Variants in FRMD8 observed in about 807,000 individuals in gnomAD.
FRMD8 encodes the protein FERM domain containing 8, also known as FERM domain-containing protein 8.
A neutral mutation model predicts 54.2 loss-of-function variants in FRMD8; 37 were observed. That is an observed-to-expected ratio of 0.68 (90% CI 0.53 to 0.90). FRMD8 has a LOEUF of 0.90. Among genes scored for constraint, FRMD8 ranks in the 40% least tolerant of loss-of-function variants. FRMD8 has a pLI of 0.00. For synonymous variants in FRMD8, 246 were observed against 286.9 expected (o/e 0.86, Z 1.44); for missense variants, 585 against 653.7 (o/e 0.89, Z 1.15).
chr11:65,380,891 G>C, the FRMD8 span: 1 of 274,864 alleles, frequency 3.6e-6, no homozygotes, highest in South Asian at 3.1e-5. Flanking sequence ...GCCCAGAGGG[G>C]ACTCAGGACA....
At chr11:65,391,550 G>A (rs367785904) in intron 3 of FRMD8, among the ~76,000 whole-genome samples, 4 of 151,762 alleles carry the variant, frequency 2.6e-5, no homozygotes, top group African/African-American at 9.7e-5. Context: ...TCACTCTGTT[G>A]CCCAGGTTGG....
the FRMD8 span, among the ~76,000 whole-genome samples, chr11:65,372,707 C>T: frequency 6.6e-6 from 1 of 152,174 alleles, no homozygotes; most frequent in African/African-American, 2.4e-5. Flanking sequence ...AATGGGAATT[C>T]CCGCTAACTG....
intron 2 of FRMD8, 185 bp downstream of exon 2, chr11:65,387,306 G>A: frequency 1.4e-6 from 1 of 695,924 alleles, no homozygotes; most frequent in Admixed American, 2.1e-5. Context: ...TGGCCAGGTT[G>A]GGTCCTCGCT....
intron 9 of FRMD8, among the ~76,000 whole-genome samples, chr11:65,403,361 T>C (rs1436811439): frequency 1.3e-5 from 2 of 152,094 alleles, no homozygotes; most frequent in Non-Finnish European, 2.9e-5. Flanking sequence ...TTTTGTATTT[T>C]TAGTAGAGAT....
At chr11:65,398,352 C>G (rs184526651) in intron 7 of FRMD8, among the ~76,000 whole-genome samples, 1 of 152,218 alleles carries the variant, frequency 6.6e-6, no homozygotes, top group African/African-American at 2.4e-5. Context: ...GCCCCACTGG[C>G]GACTTCGAGT....
the FRMD8 span, among the ~76,000 whole-genome samples, chr11:65,372,828 G>A: frequency 6.6e-6 from 1 of 152,202 alleles, no homozygotes; most frequent in African/African-American, 2.4e-5. Context: ...CGTCCTGTTT[G>A]CTTCCTTCCA....
chr11:65,386,925 A>G lies in FRMD8; in HGVS notation c.1-112A>G. On this transcript the variant is annotated intron_variant, in intron 1 of 10. Transcript: ENST00000317568. Reference sequence around the variant, plus strand: ...TTGGCCCCTCCAGGCAGCGCCGCTCAACCTTGCGGACCCAGCCTGGGATCC... The same window carrying G: ...TTGGCCCCTCCAGGCAGCGCCGCTCGACCTTGCGGACCCAGCCTGGGATCC... 5.3e-6 allele frequency: 5 copies of G among 938,340 alleles called. No individual in the cohort carries two copies. In the South Asian group the frequency reaches 6.2e-5, roughly 12 times the overall value. The allele number at this position is 938,340 out of a possible 1,614,324, so 58.1% of individuals were successfully genotyped here. A position where few individuals can be genotyped will look rare whatever the true frequency, so the allele number is the denominator to read the frequency against.
chr11:65,391,596 C>T (rs1391956129), intron 3 of FRMD8, among the ~76,000 whole-genome samples: 3 of 152,032 alleles, frequency 2.0e-5, no homozygotes, highest in Non-Finnish European at 4.4e-5. Context: ...CTGCAACCTC[C>T]GCCTCCTGGG....
At chr11:65,379,364 C>T in the FRMD8 span, 2 of 1,606,316 alleles carry the variant, frequency 1.2e-6, no homozygotes, top group Non-Finnish European at 8.5e-7. Context: ...TGCCCACTCA[C>T]TGCCCCCTCA....
At chr11:65,395,828 A>T (rs971111743) in intron 6 of FRMD8, among the ~76,000 whole-genome samples, 2 of 152,210 alleles carry the variant, frequency 1.3e-5, no homozygotes, top group Admixed American at 6.5e-5. Context: ...AACGTTCCTG[A>T]CTTGGTGACA....
At chr11:65,380,635 G>A in the FRMD8 span, 2 of 1,288,754 alleles carry the variant, frequency 1.6e-6, no homozygotes, top group Non-Finnish European at 2.0e-6. Context: ...GCAGGGCCCT[G>A]ATGGGGGTCA....
At position 65,387,129 on chromosome 11, in the gene FRMD8, C is replaced by G; in HGVS notation, c.85+8C>G. On this transcript the variant is annotated splice_region_variant and intron_variant, in intron 2 of 10. Transcript: ENST00000317568. Reference sequence around the variant, plus strand: ...CCTCCGTGGGAGCCCGAGGTGGGTCCCACCCGCATCTCCTCTTCCACACCC... The same window carrying G: ...CCTCCGTGGGAGCCCGAGGTGGGTCGCACCCGCATCTCCTCTTCCACACCC... The G allele has an allele frequency of 1.2e-6, 2 of 1,602,762 alleles. No individual in the cohort carries two copies. The highest frequency in any genetic ancestry group is 1.7e-6 in the Non-Finnish European group (2 of 1,178,756).
chr11:65,394,441 A>T lies in FRMD8; in HGVS notation c.581+16A>T. ...GCGACCTGAGGTGAGGGCCTGTGTG[A>T]CTTGAGGCGGGGGCGCTGGGTGGGG... On this transcript the variant is annotated intron_variant, in intron 6 of 10. Coordinates refer to ENST00000317568, the MANE Select transcript of FRMD8 (RefSeq NM_031904.5). The T allele has an allele frequency of 6.4e-7, 1 of 1,559,266 alleles. No individual in the cohort carries two copies. Among genetic ancestry groups the T allele is most frequent in the Non-Finnish European group, 8.7e-7 (1 of 1,155,820 alleles).
chr11:65,386,995 T>C (rs1168778267), intron 1 of FRMD8, 42 bp from the exon 2 acceptor site: 1 of 1,564,158 alleles, frequency 6.4e-7, no homozygotes, highest in Non-Finnish European at 8.7e-7. Context: ...CAGCCCCCCA[T>C]CCCTGGCTCC....
In FRMD8 at chr11:65,408,059, T is replaced by C. The variant is rs116173383; in HGVS notation, c.1276+2991T>C. Among the ~76,000 whole-genome samples, 320 of 151,760 alleles carry C rather than the reference T, an allele frequency of 2.1e-3. 2 individuals are homozygous for C. The highest frequency in any genetic ancestry group is 7.2e-3 in the African/African-American group (297 of 41,448). On this transcript the variant is annotated intron_variant, in intron 10 of 10. Coordinates refer to ENST00000317568, the MANE Select transcript of FRMD8 (RefSeq NM_031904.5). ...GTCATTTTTATAGTCTTGTAATTTT[T>C]AGAATAATTGTTTTTTCTTTTTTTT... is the stretch of plus-strand genomic sequence containing the variant.
the FRMD8 span, chr11:65,380,656 C>G: frequency 1.7e-4 from 209 of 1,254,520 alleles, no homozygotes; most frequent in Middle Eastern, 2.2e-4. Flanking sequence ...TGCCTGGGCA[C>G]CTGCAGAGGA....
chr11:65,399,901 G>T, intron 8 of FRMD8, 42 bp downstream of exon 8: 1 of 1,583,448 alleles, frequency 6.3e-7, no homozygotes, highest in Non-Finnish European at 8.6e-7. Flanking sequence ...GATGGGAGGG[G>T]GCTCCTGACT....
chr11:65,399,385 A>C lies in FRMD8; in HGVS notation c.804-351A>C, dbSNP rs534469061. Among the ~76,000 whole-genome samples the C allele has an allele frequency of 6.6e-5, 10 of 152,210 alleles. No individual in the cohort carries two copies. The East Asian group carries it at 1.9e-3, about 29-fold the overall frequency. ...CTGCTGCTGAAAGGTCTCCGCCTGG[A>C]CAGTGGTCAGCAGGCTCTCCTGGCC... On this transcript the variant is annotated intron_variant, in intron 7 of 10. Coordinates refer to ENST00000317568, the MANE Select transcript of FRMD8 (RefSeq NM_031904.5).
the FRMD8 span, chr11:65,376,684 G>A: frequency 6.2e-7 from 1 of 1,613,686 alleles, no homozygotes; most frequent in Non-Finnish European, 8.5e-7. Context: ...GCCTGGGGCA[G>A]AGAGAGCCCA....
Sources: allele counts gnomAD v4.1 joint callset (sites outside exome capture counted in the v4.1 genomes callset), GRCh38; gene constraint gnomAD v4.1.1; transcripts MANE v1.5; gene names NCBI Gene and HGNC (gene_info 2026-07-23, HGNC 2026-07-21).